CAMK4: variants seen among roughly 807,000 people sequenced by gnomAD.
The protein encoded by CAMK4 is calcium/calmodulin dependent protein kinase IV.
In CAMK4, 22 loss-of-function variants were observed where a neutral mutation model predicts 44.9. That is an observed-to-expected ratio of 0.49 (90% CI 0.35 to 0.70). CAMK4 has a LOEUF of 0.70. Among genes scored for constraint, CAMK4 ranks in the 30% least tolerant of loss-of-function variants. The pLI is 0.01. For missense variants in CAMK4, 498 were observed against 586.8 expected (o/e 0.85, Z 1.56); for synonymous variants, 218 against 215.4 (o/e 1.01, Z -0.11).
chr5:111,283,901 T>A (rs915507189), intron 1 of CAMK4, among the ~76,000 whole-genome samples: 1 of 152,238 alleles, frequency 6.6e-6, no homozygotes, highest in Non-Finnish European at 1.5e-5. Context: ...CATGAGCATT[T>A]AGGTTGTCTC....
At chr5:111,404,506 AAAAG>A (rs1168440818) in intron 5 of CAMK4, among the ~76,000 whole-genome samples, 1 of 152,232 alleles carries the variant, frequency 6.6e-6, no homozygotes, top group African/African-American at 2.4e-5. Flanking sequence ...CTGCTAGAGA[AAAAG>A]AAAAACCTTG....
At chr5:111,322,458 A>C (rs920448212) in intron 1 of CAMK4, among the ~76,000 whole-genome samples, 1 of 152,166 alleles carries the variant, frequency 6.6e-6, no homozygotes, top group Non-Finnish European at 1.5e-5. Context: ...ATAACAAATA[A>C]AACCAAACTT....
At chr5:111,321,504 A>G (rs1183711711) in intron 1 of CAMK4, among the ~76,000 whole-genome samples, 1 of 122,450 alleles carries the variant, frequency 8.2e-6, no homozygotes, top group East Asian at 2.6e-4. Flanking sequence ...GCTAGATATT[A>G]CTGAATGTCA....
rs116121433 is a variant in CAMK4 at position 111,276,630 on chromosome 5, G to A, written c.161+51986G>A. On this transcript the variant is annotated intron_variant, in intron 1 of 10. Coordinates refer to ENST00000282356, the MANE Select transcript of CAMK4 (RefSeq NM_001744.6). ...TTTTTTATACTTTCTTGTTCACTTA[G>A]GTCATGCCTTGTTTTCCACTAGCTT... Among the ~76,000 whole-genome samples the A allele has an allele frequency of 3.5e-3, 531 of 152,024 alleles. 5 individuals carry two copies. The highest frequency in any genetic ancestry group is 0.012 in the African/African-American group (491 of 41,448).
At chr5:111,268,509 A>G (rs1229117981) in intron 1 of CAMK4, among the ~76,000 whole-genome samples, 2 of 152,240 alleles carry the variant, frequency 1.3e-5, no homozygotes, top group Non-Finnish European at 2.9e-5. Flanking sequence ...TTATATGTGT[A>G]AACTGCTACT....
chr5:111,483,696 C>G (rs1304327427), intron 10 of CAMK4, among the ~76,000 whole-genome samples: 1 of 152,168 alleles, frequency 6.6e-6, no homozygotes, highest in Admixed American at 6.5e-5. Flanking sequence ...AAACTACTAA[C>G]GTCCACAGAA....
intron 2 of CAMK4, among the ~76,000 whole-genome samples, chr5:111,360,045 T>TA (rs1750527551): frequency 6.6e-6 from 1 of 152,032 alleles, no homozygotes; most frequent in Admixed American, 6.6e-5. Flanking sequence ...CCACCACACT[T>TA]ACATCTGCAA....
chr5:111,469,161 AAAAAAAAAAAAATATATATATATAT>A (rs1380380478), intron 7 of CAMK4, among the ~76,000 whole-genome samples: 104 of 71,576 alleles, frequency 1.5e-3, no homozygotes, highest in African/African-American at 4.0e-3. Context: ...AAAAAAAAAA[AAAAAAAAAAAAATATATATATATAT>A]ATATATATAT....
At chr5:111,453,014 T>C (rs886884906) in intron 7 of CAMK4, among the ~76,000 whole-genome samples, 5 of 152,230 alleles carry the variant, frequency 3.3e-5, no homozygotes, top group African/African-American at 1.2e-4. Flanking sequence ...TACTATTATA[T>C]AGGCGGGGGC....
At chr5:111,345,605 A>C (rs573397622) in intron 2 of CAMK4, among the ~76,000 whole-genome samples, 10 of 152,120 alleles carry the variant, frequency 6.6e-5, no homozygotes, top group African/African-American at 2.2e-4. Context: ...TGTTTTTCAT[A>C]GTTGAGGAAA....
chr5:111,438,123 G>A (rs1232953192), intron 5 of CAMK4, among the ~76,000 whole-genome samples: 1 of 152,170 alleles, frequency 6.6e-6, no homozygotes, highest in Non-Finnish European at 1.5e-5. Flanking sequence ...CACTTAAGTT[G>A]ATGGAGAGAT....
rs557098159 is a variant in CAMK4, at chr5:111,285,305, T to C, written c.162-58719T>C. Among the ~76,000 whole-genome samples the C allele has an allele frequency of 2.6e-5, 4 of 152,370 alleles. No homozygotes were observed. The East Asian group carries it at 5.8e-4, about 22-fold the overall frequency. On this transcript the variant is annotated intron_variant, in intron 1 of 10. Coordinates refer to ENST00000282356, the MANE Select transcript of CAMK4 (RefSeq NM_001744.6). Reference sequence around the variant, plus strand: ...TCATGTATCTCCTTGTGTATTATTATGAATCCTACGAAATTTATGGTTTTA... The same window carrying C: ...TCATGTATCTCCTTGTGTATTATTACGAATCCTACGAAATTTATGGTTTTA...
chr5:111,427,650 G>C (rs1038470478), intron 5 of CAMK4, among the ~76,000 whole-genome samples: 1 of 152,208 alleles, frequency 6.6e-6, no homozygotes, highest in Non-Finnish European at 1.5e-5. Flanking sequence ...GGGCTGCTCT[G>C]CTTTTCAAAA....
At chr5:111,464,928 C>G (rs991802161) in intron 7 of CAMK4, among the ~76,000 whole-genome samples, 3 of 152,088 alleles carry the variant, frequency 2.0e-5, no homozygotes, top group African/African-American at 4.8e-5. Context: ...TTGCTGATAG[C>G]CTTGGATCCT....
At chr5:111,423,608 C>T (rs565699929) in intron 5 of CAMK4, among the ~76,000 whole-genome samples, 42 of 152,274 alleles carry the variant, frequency 2.8e-4, no homozygotes, top group African/African-American at 9.9e-4. Flanking sequence ...TAATGGCTCT[C>T]GATCCTGCAG....
chr5:111,480,987 C>T (rs569671456), intron 9 of CAMK4, among the ~76,000 whole-genome samples: 37 of 152,242 alleles, frequency 2.4e-4, no homozygotes, highest in Admixed American at 1.6e-3. Flanking sequence ...GTTGTGTCAT[C>T]GGCAGAGACT....
chr5:111,470,273 A>C (rs928654304), intron 7 of CAMK4, among the ~76,000 whole-genome samples: 2 of 152,278 alleles, frequency 1.3e-5, no homozygotes, highest in Admixed American at 1.3e-4. Flanking sequence ...AGTTCGTATC[A>C]GCCATGCATG....
chr5:111,494,369 T>C lies in CAMK4; in HGVS notation c.*9903T>C, dbSNP rs1755984742. 1 of 152,204 alleles carries C rather than the reference T, an allele frequency of 6.6e-6. No homozygotes were observed. The highest frequency in any genetic ancestry group is 6.5e-5 in the Admixed American group (1 of 15,270). The allele number at this position is 152,204 out of a possible 1,614,324, so 9.4% of individuals were successfully genotyped here. A position where few individuals can be genotyped will look rare whatever the true frequency, so the allele number is the denominator to read the frequency against. ...ATTGACTACTTAATACAAAGATATA[T>C]TACAATATTTTTAGGTAAATGTATT... On this transcript the variant is annotated 3_prime_UTR_variant, in exon 11 of 11. Transcript: ENST00000282356.
At chr5:111,230,825 A>C (rs1400871181) in intron 1 of CAMK4, among the ~76,000 whole-genome samples, 1 of 151,754 alleles carries the variant, frequency 6.6e-6, no homozygotes, top group Non-Finnish European at 1.5e-5. Flanking sequence ...TTTTTTTTAA[A>C]AAAAATAAAG....
Sources: gnomAD v4.1 joint callset for allele counts (sites outside exome capture counted in the v4.1 genomes callset) on GRCh38, gnomAD v4.1.1 for gene constraint, MANE v1.5 for transcripts, NCBI Gene and HGNC (gene_info 2026-07-23, HGNC 2026-07-21) for gene names.